The following MEGF11 variants were observed in gnomAD, a reference collection of about 807,000 sequenced individuals.
MEGF11 encodes multiple EGF like domains 11, also known as multiple epidermal growth factor-like domains protein 11.
MEGF11 carries 126 observed loss-of-function variants against 146.6 expected under a neutral mutation model. That is an observed-to-expected ratio of 0.86 (90% CI 0.74 to 1.00). The LOEUF (loss-of-function observed/expected upper bound fraction) is 1.00, where lower values mean the gene tolerates loss of function less well. Among genes scored for constraint, MEGF11 ranks in the 50% least tolerant of loss-of-function variants. The probability of loss-of-function intolerance (pLI) is 0.00; values close to 1 mark genes in which losing one functional copy is unlikely to be tolerated. For synonymous variants in MEGF11, 532 were observed against 583.4 expected, an observed-to-expected ratio of 0.91 and a Z score of 1.27; for missense variants, 1,509 against 1,521.2, an observed-to-expected ratio of 0.99 and a Z score of 0.13.
At chr15:66,077,913 C>T (rs2085660510) in intron 5 of MEGF11, among the ~76,000 whole-genome samples, 1 of 152,144 alleles carries the variant, frequency 6.6e-6, no homozygotes, top group Non-Finnish European at 1.5e-5. Context: ...AGGCAGGTGC[C>T]ACATCCAGAG....
chr15:66,151,727 G>C (rs1284942951), intron 1 of MEGF11, among the ~76,000 whole-genome samples: 2 of 152,176 alleles, frequency 1.3e-5, no homozygotes, highest in African/African-American at 2.4e-5. Context: ...AGCTGTGGGA[G>C]GGTCATCCCC....
intron 3 of MEGF11, among the ~76,000 whole-genome samples, chr15:66,121,579 C>T (rs892540866): frequency 3.3e-5 from 5 of 152,106 alleles, no homozygotes; most frequent in Non-Finnish European, 5.9e-5. Context: ...AACAATACTC[C>T]GGGCAACTAA....
intron 5 of MEGF11, among the ~76,000 whole-genome samples, chr15:66,021,626 A>G (rs1166136349): frequency 6.6e-6 from 1 of 152,238 alleles, no homozygotes; most frequent in African/African-American, 2.4e-5. Context: ...TTCAGCAGCC[A>G]GTGCCCGGGG....
At chr15:66,033,293 C>A (rs1180740015) in intron 5 of MEGF11, among the ~76,000 whole-genome samples, 1 of 152,136 alleles carries the variant, frequency 6.6e-6, no homozygotes, top group Non-Finnish European at 1.5e-5. Context: ...GAGGCTGCCC[C>A]TCCCATAACA....
intron 4 of MEGF11, among the ~76,000 whole-genome samples, chr15:66,104,627 C>T (rs1026853952): frequency 6.6e-6 from 1 of 152,234 alleles, no homozygotes; most frequent in African/African-American, 2.4e-5. Context: ...CTCTGCTCTA[C>T]AGTCACCACA....
chr15:65,997,576 C>G (rs910048852), intron 5 of MEGF11, among the ~76,000 whole-genome samples: 3 of 152,186 alleles, frequency 2.0e-5, no homozygotes, highest in African/African-American at 7.2e-5. Context: ...CTTATTCTAT[C>G]TAATACGATG....
intron 5 of MEGF11, among the ~76,000 whole-genome samples, chr15:66,067,560 G>T (rs2085186425): frequency 6.6e-6 from 1 of 152,208 alleles, no homozygotes; most frequent in Non-Finnish European, 1.5e-5. Context: ...CCTACCTGTG[G>T]CAGGTGGGAC....
rs1299403740 is a variant in MEGF11, at chr15:65,964,967, C to T, written c.1053G>A (p.Glu351=). The stretch of plus-strand genomic sequence containing the variant: ...GGGTGCAGCCTGGGCCATGCAGGCC[C>T]TCCGGGCACAGTCGCTCCTGGCAGC... The part of the protein sequence containing the change: ...GPRCQERLCP[E]GLHGPGCTLP... The change falls in exon 9 of 26, where the codon GAG becomes GAA. Residue 351 remains glutamate (E), a synonymous_variant. Coordinates refer to ENST00000395614, the MANE Select transcript of MEGF11 (RefSeq NM_001385028.1). 1 of 1,572,306 alleles carries T rather than the reference C, an allele frequency of 6.4e-7. No individual in the cohort carries two copies.
Position 65,906,085 on chromosome 15 carries a change from CT to C in MEGF11, c.3054del (p.Asp1019IlefsTer3). The C allele has an allele frequency of 6.2e-7, 1 of 1,609,490 alleles. No individual in the cohort carries two copies. The highest frequency in any genetic ancestry group is 1.1e-5 in the South Asian group (1 of 89,944). On this transcript the variant is annotated frameshift_variant and splice_region_variant, in exon 24 of 26. Coordinates refer to ENST00000395614, the MANE Select transcript of MEGF11 (RefSeq NM_001385028.1). LOFTEE classifies it high-confidence loss of function. ...QNTYIMDKGF[K>X]DYMKESVCSS... ...AAGACAGCAGGATTGGATACTCTAC[CT>C]TTGAAGCCTTTGTCCATAATGTATG...
intron 3 of MEGF11, among the ~76,000 whole-genome samples, chr15:66,121,578 C>T (rs965839077): frequency 6.6e-6 from 1 of 152,154 alleles, no homozygotes; most frequent in Admixed American, 6.5e-5. Flanking sequence ...CAACAATACT[C>T]CGGGCAACTA....
chr15:66,027,769 G>A (rs537816825), intron 5 of MEGF11, among the ~76,000 whole-genome samples: 5 of 152,180 alleles, frequency 3.3e-5, no homozygotes, highest in Non-Finnish European at 7.3e-5. Context: ...TGCCCTCTAT[G>A]CCCTCCTCTC....
At chr15:66,204,960 G>T (rs1334827953) in intron 1 of MEGF11, among the ~76,000 whole-genome samples, 1 of 150,156 alleles carries the variant, frequency 6.7e-6, no homozygotes, top group Non-Finnish European at 1.5e-5. Flanking sequence ...ACAACATGGT[G>T]GTGTGTTCCT....
At chr15:66,054,181 T>A (rs968864565) in intron 5 of MEGF11, among the ~76,000 whole-genome samples, 9 of 152,164 alleles carry the variant, frequency 5.9e-5, no homozygotes, top group Non-Finnish European at 1.3e-4. Context: ...CCCTGTCTCC[T>A]AAGTGCCTGC....
At chr15:66,103,059 T>C (rs1051216090) in intron 4 of MEGF11, among the ~76,000 whole-genome samples, 4 of 152,192 alleles carry the variant, frequency 2.6e-5, no homozygotes, top group Non-Finnish European at 5.9e-5. Context: ...GAATTAACAA[T>C]AGGGTTCCCC....
chr15:65,993,039 G>A (rs1023754227), intron 5 of MEGF11, among the ~76,000 whole-genome samples: 67 of 152,252 alleles, frequency 4.4e-4, no homozygotes, highest in African/African-American at 1.6e-3. Context: ...CAAGACTCCC[G>A]GAACTCCTGC....
chr15:66,025,743 G>A (rs912259752), intron 5 of MEGF11, among the ~76,000 whole-genome samples: 6 of 152,068 alleles, frequency 3.9e-5, no homozygotes, highest in Non-Finnish European at 4.4e-5. Flanking sequence ...GCCCCCCGCC[G>A]AGGCTGAGTC....
chr15:66,216,524 T>G (rs1437000164), intron 1 of MEGF11, among the ~76,000 whole-genome samples: 1 of 152,124 alleles, frequency 6.6e-6, no homozygotes, highest in African/African-American at 2.4e-5. Flanking sequence ...GACAAGATGC[T>G]TCCTGCCTTC....
At chr15:66,044,564 T>C (rs540895040) in intron 5 of MEGF11, among the ~76,000 whole-genome samples, 11 of 152,170 alleles carry the variant, frequency 7.2e-5, no homozygotes, top group African/African-American at 1.4e-4. Flanking sequence ...TTCTTAAAAA[T>C]TGAACTGGTG....
At chr15:65,967,096 T>A (rs2081130256) in intron 8 of MEGF11, 1 of 152,218 alleles carries the variant, frequency 6.6e-6, no homozygotes, top group Non-Finnish European at 1.5e-5. Flanking sequence ...TCCTCTTCTT[T>A]TTCATAAAAT....
Sources: gnomAD v4.1 joint callset for allele counts (sites outside exome capture counted in the v4.1 genomes callset) on GRCh38, gnomAD v4.1.1 for gene constraint, MANE v1.5 for transcripts, NCBI Gene and HGNC (gene_info 2026-07-23, HGNC 2026-07-21) for gene names.